ANKRD26: variants seen among roughly 807,000 people sequenced by gnomAD.
The protein encoded by ANKRD26 is ankyrin repeat domain 26.
ANKRD26 carries 141 observed loss-of-function variants against 208.7 expected under a neutral mutation model. That is an observed-to-expected ratio of 0.68 (90% CI 0.59 to 0.78). The LOEUF (loss-of-function observed/expected upper bound fraction) is 0.78, where lower values mean the gene tolerates loss of function less well. ANKRD26 is among the 30% of genes least tolerant of loss of function. ANKRD26 has a pLI of 0.00. For missense variants in ANKRD26, 1,889 were observed against 1,938.7 expected (o/e 0.97, Z 0.48); for synonymous variants, 636 against 660.4 (o/e 0.96, Z 0.57).
intron 16 of ANKRD26, among the ~76,000 whole-genome samples, chr10:27,049,793 A>G (rs778350563): frequency 3.9e-5 from 6 of 152,236 alleles, no homozygotes; most frequent in Admixed American, 6.5e-5. Context: ...AAAAGAGATG[A>G]TATAACTCCA....
intron 6 of ANKRD26, among the ~76,000 whole-genome samples, chr10:27,082,276 G>A (rs142610851): frequency 3.6e-3 from 547 of 152,194 alleles, no homozygotes; most frequent in Non-Finnish European, 5.5e-3. Flanking sequence ...TCCTTTATAG[G>A]ACTTGTGTGG....
chr10:27,051,807 T>C, intron 16 of ANKRD26: 2 of 985,388 alleles, frequency 2.0e-6, no homozygotes, highest in African/African-American at 1.7e-5. Flanking sequence ...TTCCTTTAAG[T>C]TTGTGCCTCC....
the ANKRD26 span, among the ~76,000 whole-genome samples, chr10:26,952,663 G>A: frequency 6.6e-6 from 1 of 152,192 alleles, no homozygotes; most frequent in Non-Finnish European, 1.5e-5. Flanking sequence ...CAAAGATGCT[G>A]TAGTATTGCA....
intron 25 of ANKRD26, among the ~76,000 whole-genome samples, chr10:27,030,827 G>C (rs2053841606): frequency 6.6e-6 from 1 of 152,054 alleles, no homozygotes; most frequent in Non-Finnish European, 1.5e-5. Context: ...GAAATTCTTA[G>C]TATAATATAA....
rs899582284 is a variant in ANKRD26, at chr10:27,034,287, C to G, written c.3654+509G>C. ...ATTGACAAGAATAAAAATAAAATCA[C>G]ATCAACTGAAATATATAAAAAGCTA... On this transcript the variant is annotated intron_variant, in intron 24 of 33. Transcript: ENST00000376087. 3.3e-5 allele frequency among the ~76,000 whole-genome samples: 5 copies of G among 152,202 alleles called. No homozygotes were observed. The East Asian group carries it at 9.6e-4, about 29-fold the overall frequency.
At chr10:27,048,506 A>C (rs2054537447) in intron 17 of ANKRD26, among the ~76,000 whole-genome samples, 2 of 152,206 alleles carry the variant, frequency 1.3e-5, no homozygotes, top group Non-Finnish European at 1.5e-5. Context: ...ATTTTGATAC[A>C]TACTAAATTA....
At chr10:27,092,310 A>T (rs2056325918) in intron 4 of ANKRD26, 96 bp downstream of exon 4, 2 of 841,994 alleles carry the variant, frequency 2.4e-6, no homozygotes, top group African/African-American at 1.7e-5. Flanking sequence ...CTCAAGAACA[A>T]GCAGGTTTAA....
At chr10:27,002,524 G>T (rs2052747989), downstream of ANKRD26, among the ~76,000 whole-genome samples, 1 of 152,180 alleles carries the variant, frequency 6.6e-6, no homozygotes, top group African/African-American at 2.4e-5. Context: ...TATGTGAGTG[G>T]CCCTGCAATG....
intron 4 of ANKRD26, among the ~76,000 whole-genome samples, chr10:26,998,914 T>C (rs2052657317): frequency 6.6e-6 from 1 of 152,046 alleles, no homozygotes; most frequent in African/African-American, 2.4e-5. Context: ...ACAGATCTGG[T>C]CCAGGAAGTT....
At chr10:27,041,834 TAAAA>T (rs1407788016) in intron 20 of ANKRD26, among the ~76,000 whole-genome samples, 1 of 152,088 alleles carries the variant, frequency 6.6e-6, no homozygotes, top group Admixed American at 6.5e-5. Flanking sequence ...CTAAACTTAA[TAAAA>T]ACTATAATCC....
intron 32 of ANKRD26, 129 bp downstream of exon 32, chr10:27,012,753 A>T: frequency 1.2e-6 from 1 of 816,102 alleles, no homozygotes; most frequent in Non-Finnish European, 2.0e-6. Context: ...TAGAGGTTGC[A>T]GTGAGCCAAG....
At chr10:26,963,078 T>C in the ANKRD26 span, among the ~76,000 whole-genome samples, 2 of 152,196 alleles carry the variant, frequency 1.3e-5, no homozygotes, top group Non-Finnish European at 2.9e-5. Flanking sequence ...TTGTCCAAGA[T>C]CACAAAGGAA....
At chr10:27,045,735 T>C (rs1419699329) in intron 18 of ANKRD26, among the ~76,000 whole-genome samples, 2 of 152,204 alleles carry the variant, frequency 1.3e-5, no homozygotes, top group African/African-American at 4.8e-5. Flanking sequence ...GTATGGCCTA[T>C]ATGTTTGCAT....
At chr10:27,001,454 C>G (rs557683063), downstream of ANKRD26, among the ~76,000 whole-genome samples, 7 of 152,210 alleles carry the variant, frequency 4.6e-5, no homozygotes, top group Non-Finnish European at 8.8e-5. Context: ...TCTTCCAGTC[C>G]GTGGTGAAAT....
chr10:26,964,042 T>TAG, the ANKRD26 span, among the ~76,000 whole-genome samples: 4 of 150,822 alleles, frequency 2.7e-5, no homozygotes, highest in Non-Finnish European at 2.9e-5. Context: ...CTCCCAAGTG[T>TAG]AGCTGGGATT....
chr10:26,997,988 G>A (rs562660729), intron 4 of ANKRD26, among the ~76,000 whole-genome samples: 4 of 152,184 alleles, frequency 2.6e-5, no homozygotes, highest in South Asian at 4.2e-4. Flanking sequence ...TAGCCCCCAC[G>A]GCCTGGTGTT....
At chr10:26,950,748 A>C in the ANKRD26 span, among the ~76,000 whole-genome samples, 1 of 152,056 alleles carries the variant, frequency 6.6e-6, no homozygotes, top group East Asian at 1.9e-4. Flanking sequence ...GAGCCAGTTA[A>C]ACCTTTTTTC....
intron 3 of ANKRD26, among the ~76,000 whole-genome samples, chr10:27,092,909 C>T (rs1279073373): frequency 1.3e-5 from 2 of 152,064 alleles, no homozygotes; most frequent in Non-Finnish European, 2.9e-5. Context: ...ATGGCAAAAC[C>T]CCATCTCTAC....
At chr10:27,069,641 A>C (rs1450541509) in intron 9 of ANKRD26, among the ~76,000 whole-genome samples, 1 of 152,160 alleles carries the variant, frequency 6.6e-6, no homozygotes, top group East Asian at 1.9e-4. Context: ...GATTTGGATA[A>C]ATACGTTTAG....
Sources: allele counts gnomAD v4.1 joint callset (sites outside exome capture counted in the v4.1 genomes callset), GRCh38; gene constraint gnomAD v4.1.1; transcripts MANE v1.5; gene names NCBI Gene and HGNC (gene_info 2026-07-23, HGNC 2026-07-21).